PGAP1: variants seen among roughly 807,000 people sequenced by gnomAD.
The protein encoded by PGAP1 is post-GPI attachment to proteins inositol deacylase 1.
In PGAP1, 76 loss-of-function variants were observed where a neutral mutation model predicts 127.0. The observed-to-expected ratio is 0.60, with a 90% CI of 0.50 to 0.72. The LOEUF is 0.72. Ranked by LOEUF, PGAP1 falls within the 30% of genes least tolerant of loss-of-function variation. PGAP1 has a pLI of 0.00. For missense variants in PGAP1, 982 were observed against 1,071.3 expected (o/e 0.92, Z 1.16); for synonymous variants, 362 against 366.5 (o/e 0.99, Z 0.14).
chr2:196,900,956 C>T (rs1214494991), intron 5 of PGAP1, among the ~76,000 whole-genome samples: 2 of 151,940 alleles, frequency 1.3e-5, no homozygotes, highest in Admixed American at 6.6e-5. Flanking sequence ...GAAAGCAACA[C>T]ATTATCAAAT....
intron 12 of PGAP1, among the ~76,000 whole-genome samples, chr2:196,882,168 G>T (rs1701754977): frequency 1.3e-5 from 2 of 152,126 alleles, no homozygotes; most frequent in Admixed American, 1.3e-4. Flanking sequence ...TAGGTGTGTG[G>T]CTTTATTTCT....
Position 196,841,204 on chromosome 2 carries a change from A to G in PGAP1, c.*30T>C. ...TCTTATCACTGGCCCTAAACACATA[A>G]ATTATCTTCATCATTCCTTAAGTCC... On this transcript the variant is annotated 3_prime_UTR_variant, in exon 27 of 27. Transcript: ENST00000354764. 1 of 1,600,932 alleles carries G rather than the reference A, an allele frequency of 6.2e-7. No individual in the cohort carries two copies. The highest frequency in any genetic ancestry group is 8.5e-7 in the Non-Finnish European group (1 of 1,173,312).
At chr2:196,926,367 C>T in intron 1 of PGAP1, 103 bp downstream of exon 1, 2 of 1,553,010 alleles carry the variant, frequency 1.3e-6, no homozygotes, top group Non-Finnish European at 8.7e-7. Flanking sequence ...GACAGGGGGC[C>T]CGAGAGGCGC....
chr2:196,869,616 G>A (rs1229450497), intron 19 of PGAP1, among the ~76,000 whole-genome samples: 2 of 152,196 alleles, frequency 1.3e-5, no homozygotes, highest in Admixed American at 6.5e-5. Flanking sequence ...TTACAGGCGT[G>A]AGCCACCGCA....
intron 19 of PGAP1, among the ~76,000 whole-genome samples, chr2:196,866,477 T>C (rs1701246949): frequency 6.6e-6 from 1 of 152,160 alleles, no homozygotes. Context: ...TAACTCAAGA[T>C]GGATTAAAGA....
chr2:196,870,438 A>G (rs1701375558), intron 19 of PGAP1, among the ~76,000 whole-genome samples: 1 of 151,922 alleles, frequency 6.6e-6, no homozygotes, highest in Non-Finnish European at 1.5e-5. Context: ...CCAGGACTAC[A>G]GGTGTATGCC....
intron 22 of PGAP1, among the ~76,000 whole-genome samples, chr2:196,846,242 G>A (rs1210946724): frequency 6.6e-6 from 1 of 152,018 alleles, no homozygotes; most frequent in Non-Finnish European, 1.5e-5. Flanking sequence ...TAATACTATA[G>A]CTGATACTTG....
intron 19 of PGAP1, among the ~76,000 whole-genome samples, chr2:196,867,498 A>T (rs1396834934): frequency 6.6e-6 from 1 of 152,186 alleles, no homozygotes; most frequent in African/African-American, 2.4e-5. Flanking sequence ...TAAGGGAGGG[A>T]TAGCTTTAGG....
At chr2:196,921,135 G>A (rs1160278737) in intron 1 of PGAP1, among the ~76,000 whole-genome samples, 2 of 150,816 alleles carry the variant, frequency 1.3e-5, no homozygotes, top group African/African-American at 4.9e-5. Flanking sequence ...ACTATGGAGT[G>A]AATTTCAAAA....
chr2:196,847,910 C>A, intron 21 of PGAP1, 37 bp downstream of exon 21: 3 of 1,378,248 alleles, frequency 2.2e-6, no homozygotes, highest in South Asian at 1.5e-5. Context: ...ACATGTAAAA[C>A]ACAATTAAAA....
chr2:196,872,832 T>C, intron 17 of PGAP1, 128 bp downstream of exon 17: 3 of 592,404 alleles, frequency 5.1e-6, no homozygotes, highest in Non-Finnish European at 9.0e-6. Flanking sequence ...ATAGGAACAA[T>C]GCTACATAAA....
At chr2:196,893,059 T>G in intron 8 of PGAP1, 81 bp downstream of exon 8, 2 of 713,434 alleles carry the variant, frequency 2.8e-6, no homozygotes, top group Non-Finnish European at 4.5e-6. Context: ...GTTTCAAAGA[T>G]TTTGTCTGCT....
At chr2:196,904,677 G>A (rs532471907) in intron 4 of PGAP1, among the ~76,000 whole-genome samples, 2 of 152,016 alleles carry the variant, frequency 1.3e-5, no homozygotes, top group African/African-American at 4.8e-5. Context: ...GCAGTGAGCC[G>A]AGATTGCGCC....
chr2:196,883,555 A>G (rs1701799524), intron 12 of PGAP1, among the ~76,000 whole-genome samples: 1 of 152,188 alleles, frequency 6.6e-6, no homozygotes, highest in African/African-American at 2.4e-5. Flanking sequence ...AACTTGGATA[A>G]TCTGTGCAGC....
chr2:196,926,492 A>G lies in PGAP1; in HGVS notation c.125T>C (p.Met42Thr), dbSNP rs1424999846. The G allele has an allele frequency of 2.5e-6, 4 of 1,609,818 alleles. No homozygotes were observed. The highest frequency in any genetic ancestry group is 3.4e-6 in the Non-Finnish European group (4 of 1,177,510). ...TACCTGATACTCCGGGTACTCAAACATGTAGCTCATACTGCACTTATTCTC... is the reference window on the plus strand; with the variant it reads ...TACCTGATACTCCGGGTACTCAAACGTGTAGCTCATACTGCACTTATTCTC... ...FEENKCSMSY[M>T]FEYPEYQKIE... The change falls in exon 1 of 27, where the codon ATG (methionine) becomes ACG (threonine). Residue 42 changes from methionine (M) to threonine (T), a missense_variant. Coordinates refer to ENST00000354764, the MANE Select transcript of PGAP1 (RefSeq NM_024989.4).
intron 10 of PGAP1, 102 bp from the exon 11 acceptor site, chr2:196,885,982 G>A (rs910140905): frequency 4.6e-6 from 3 of 649,946 alleles, no homozygotes; most frequent in Non-Finnish European, 6.9e-6. Context: ...ATATGATATA[G>A]GGTGACTAGG....
chr2:196,898,670 T>G (rs1250216390), intron 5 of PGAP1, among the ~76,000 whole-genome samples: 1 of 152,200 alleles, frequency 6.6e-6, no homozygotes, highest in Non-Finnish European at 1.5e-5. Flanking sequence ...GTCTAACTTT[T>G]TATTACTCTA....
At chr2:196,922,445 A>T (rs755830111) in intron 1 of PGAP1, 263 of 983,888 alleles carry the variant, frequency 2.7e-4, no homozygotes, top group Non-Finnish European at 3.0e-4. Context: ...CCCCATAAGA[A>T]TAGTTATAGG....
intron 12 of PGAP1, among the ~76,000 whole-genome samples, chr2:196,881,230 A>G (rs919247252): frequency 6.6e-6 from 1 of 152,184 alleles, no homozygotes; most frequent in African/African-American, 2.4e-5. Flanking sequence ...ATAGTATTCC[A>G]TGGTGTATAT....
Sources: allele counts gnomAD v4.1 joint callset (sites outside exome capture counted in the v4.1 genomes callset), GRCh38; gene constraint gnomAD v4.1.1; transcripts MANE v1.5; gene names NCBI Gene and HGNC (gene_info 2026-07-23, HGNC 2026-07-21).